The following MAGI3 variants were observed in gnomAD, a reference collection of about 807,000 sequenced individuals.
The protein encoded by MAGI3 is membrane associated guanylate kinase, WW and PDZ domain containing 3.
Under a neutral mutation model 121.8 loss-of-function variants are expected in MAGI3, and 43 were observed. The observed-to-expected ratio is 0.35, with a 90% confidence interval of 0.28 to 0.46. The LOEUF is 0.46. Ranked by LOEUF, MAGI3 falls within the 20% of genes least tolerant of loss-of-function variation. The pLI is 1.00. For missense variants in MAGI3, 1,547 were observed against 1,797.3 expected, an observed-to-expected ratio of 0.86 and a Z score of 2.52; for synonymous variants, 553 against 639.3, an observed-to-expected ratio of 0.86 and a Z score of 2.04.
rs551320515 is a variant in MAGI3, at chr1:113,495,590, A to G, written c.317-53925A>G. ...TTCTTTTAATGCCAGTTTATAATGCATGTTCGAACTTTTAACTTCACTAAG... is the reference window on the plus strand; with the variant it reads ...TTCTTTTAATGCCAGTTTATAATGCGTGTTCGAACTTTTAACTTCACTAAG... On this transcript the variant is annotated intron_variant, in intron 1 of 20. Transcript: ENST00000307546. Among the ~76,000 whole-genome samples the G allele has an allele frequency of 3.3e-5, 5 of 152,272 alleles. No homozygotes were observed. In the East Asian group the frequency reaches 9.7e-4, roughly 29 times the overall value.
Position 113,684,071 on chromosome 1 carries a change from T to C in MAGI3, c.*57T>C. 3 of 1,439,694 alleles carry C rather than the reference T, an allele frequency of 2.1e-6. No homozygotes were observed. The highest frequency in any genetic ancestry group is 2.7e-6 in the Non-Finnish European group (3 of 1,096,916). 89.2% of individuals were successfully genotyped at this position (1,439,694 alleles called of 1,614,324 possible). A position where few individuals can be genotyped will look rare whatever the true frequency, so the allele number is the denominator to read the frequency against. On this transcript the variant is annotated 3_prime_UTR_variant, in exon 21 of 21. Coordinates refer to ENST00000307546, the MANE Select transcript of MAGI3 (RefSeq NM_001142782.2). ...TAATCTTTTCTTACAGCAGCATTTTTCCAGAAAAAGCCTTTTTTTTTTTTT... is the reference window on the plus strand; with the variant it reads ...TAATCTTTTCTTACAGCAGCATTTTCCCAGAAAAAGCCTTTTTTTTTTTTT...
rs926425474 is a variant in MAGI3, at chr1:113,531,711, G to A, written c.317-17804G>A. Among the ~76,000 whole-genome samples, 310 of 131,446 alleles carry A rather than the reference G, an allele frequency of 2.4e-3. 1 individual carries two copies. Among genetic ancestry groups the A allele is most frequent in the African/African-American group, 8.0e-3 (290 of 36,182 alleles). 86.2% of individuals were successfully genotyped at this position (131,446 alleles called of 152,430 possible). ...TATGTTTGAACATAAGTGGTATTGC[G>A]GGGGGTGGGGGTCGGGTGGGGGGCT... On this transcript the variant is annotated intron_variant, in intron 1 of 20. Coordinates refer to ENST00000307546, the MANE Select transcript of MAGI3 (RefSeq NM_001142782.2).
At chr1:113,424,503 A>C in intron 1 of MAGI3, among the ~76,000 whole-genome samples, 1 of 152,274 alleles carries the variant, frequency 6.6e-6, no homozygotes, top group African/African-American at 2.4e-5. Flanking sequence ...GTAACCACTA[A>C]TCTGTTTTCT....
At chr1:113,466,040 C>G (rs531546720) in intron 1 of MAGI3, among the ~76,000 whole-genome samples, 6 of 152,190 alleles carry the variant, frequency 3.9e-5, no homozygotes, top group African/African-American at 1.2e-4. Context: ...AAGTGGTATA[C>G]AAGTGGTGAA....
intron 1 of MAGI3, among the ~76,000 whole-genome samples, chr1:113,452,003 GTGC>G (rs141567997): frequency 0.014 from 2,207 of 152,222 alleles, 69 homozygotes; most frequent in African/African-American, 0.051. Context: ...TCCATTATAA[GTGC>G]TGCTTACAGA....
intron 1 of MAGI3, among the ~76,000 whole-genome samples, chr1:113,413,089 T>C (rs1557741778): frequency 6.6e-6 from 1 of 152,208 alleles, no homozygotes; most frequent in Non-Finnish European, 1.5e-5. Context: ...TTCAGCTTTC[T>C]GTATATGGCT....
chr1:113,487,874 G>A (rs1422279696), intron 1 of MAGI3, among the ~76,000 whole-genome samples: 1 of 150,480 alleles, frequency 6.6e-6, no homozygotes, highest in Non-Finnish European at 1.5e-5. Flanking sequence ...CAATTTTATT[G>A]GCAGCATAAT....
At chr1:113,468,585 G>A (rs1212943055) in intron 1 of MAGI3, among the ~76,000 whole-genome samples, 1 of 152,116 alleles carries the variant, frequency 6.6e-6, no homozygotes, top group African/African-American at 2.4e-5. Flanking sequence ...GGGAAGAATT[G>A]GGTAGATCAG....
At chr1:113,666,118 G>A (rs1313311939) in intron 16 of MAGI3, among the ~76,000 whole-genome samples, 1 of 152,148 alleles carries the variant, frequency 6.6e-6, no homozygotes, top group Non-Finnish European at 1.5e-5. Flanking sequence ...TTATGCTGAT[G>A]GAGGGTCTTG....
chr1:113,572,696 A>G (rs1647373824), intron 2 of MAGI3, among the ~76,000 whole-genome samples: 1 of 152,194 alleles, frequency 6.6e-6, no homozygotes, highest in Non-Finnish European at 1.5e-5. Context: ...CATTTATGGT[A>G]TTCTCTGAAG....
intron 2 of MAGI3, among the ~76,000 whole-genome samples, chr1:113,567,932 T>C (rs1312333246): frequency 1.3e-5 from 2 of 152,066 alleles, no homozygotes; most frequent in Non-Finnish European, 2.9e-5. Context: ...TCTTTGCAGA[T>C]AACATCTTAA....
intron 1 of MAGI3, among the ~76,000 whole-genome samples, chr1:113,496,383 G>C (rs184445285): frequency 2.6e-4 from 40 of 151,574 alleles, no homozygotes; most frequent in African/African-American, 8.1e-4. Flanking sequence ...AATGCCAATT[G>C]ATAGATGGAT....
At chr1:113,556,029 G>C (rs1160368203) in intron 2 of MAGI3, among the ~76,000 whole-genome samples, 1 of 152,170 alleles carries the variant, frequency 6.6e-6, no homozygotes, top group Non-Finnish European at 1.5e-5. Flanking sequence ...AAATTGAAAT[G>C]TATCAAACAC....
At chr1:113,426,956 A>C (rs999332486) in intron 1 of MAGI3, among the ~76,000 whole-genome samples, 3 of 150,094 alleles carry the variant, frequency 2.0e-5, no homozygotes, top group Non-Finnish European at 3.0e-5. Context: ...GTATCTATCT[A>C]TATATATATA....
At chr1:113,428,921 T>A (rs1179799872) in intron 1 of MAGI3, among the ~76,000 whole-genome samples, 1 of 152,214 alleles carries the variant, frequency 6.6e-6, no homozygotes, top group Non-Finnish European at 1.5e-5. Flanking sequence ...TAATTAAAAA[T>A]TTAAACATTA....
intron 2 of MAGI3, among the ~76,000 whole-genome samples, chr1:113,552,989 A>G (rs1485230496): frequency 1.3e-5 from 2 of 152,206 alleles, no homozygotes; most frequent in Non-Finnish European, 2.9e-5. Context: ...TTAAAACATT[A>G]TAGAGACATA....
At chr1:113,448,478 A>G (rs1164501655) in intron 1 of MAGI3, among the ~76,000 whole-genome samples, 3 of 152,222 alleles carry the variant, frequency 2.0e-5, no homozygotes, top group Admixed American at 2.0e-4. Context: ...AATATTGGAT[A>G]CGAAATGTTT....
chr1:113,653,780 C>A lies in MAGI3; in HGVS notation c.2441-50C>A, dbSNP rs1345721861. The stretch of plus-strand genomic sequence containing the variant: ...CTTAGCATAAAAACACTTTAGTCAC[C>A]AGAAATTATGATGTTCCAGACATAT... On this transcript the variant is annotated intron_variant, in intron 14 of 20. Coordinates refer to ENST00000307546, the MANE Select transcript of MAGI3 (RefSeq NM_001142782.2). 8.4e-6 allele frequency: 12 copies of A among 1,434,964 alleles called. No homozygotes were observed. The Admixed American group carries it at 1.7e-4, about 20-fold the overall frequency. 88.9% of individuals were successfully genotyped at this position (1,434,964 alleles called of 1,614,324 possible). A position where few individuals can be genotyped will look rare whatever the true frequency, so the allele number is the denominator to read the frequency against.
At position 113,463,331 on chromosome 1, in the gene MAGI3, G is replaced by T. The variant is rs138362418; in HGVS notation, c.316+71982G>T. ...GAGAGGATAAATGGAAAGAGAAGAG[G>T]GCCAAGAATAGAGCCCTGTGGCACA... On this transcript the variant is annotated intron_variant, in intron 1 of 20. Transcript: ENST00000307546. Among the ~76,000 whole-genome samples the T allele has an allele frequency of 4.6e-3, 691 of 150,698 alleles. 8 individuals are homozygous for T. The highest frequency in any genetic ancestry group is 0.016 in the African/African-American group (652 of 41,048).
Sources: allele counts gnomAD v4.1 joint callset (sites outside exome capture counted in the v4.1 genomes callset), GRCh38; gene constraint gnomAD v4.1.1; transcripts MANE v1.5; gene names NCBI Gene and HGNC (gene_info 2026-07-23, HGNC 2026-07-21).